RUNX2: variants seen among roughly 807,000 people sequenced by gnomAD.
RUNX2 encodes the protein RUNX family transcription factor 2, also known as runt-related transcription factor 2.
RUNX2 carries 10 observed loss-of-function variants against 51.7 expected under a neutral mutation model. The ratio of observed to expected loss-of-function variants is 0.19; its 90% CI spans 0.12 to 0.33. The LOEUF (loss-of-function observed/expected upper bound fraction) is 0.33. Ranked by LOEUF, RUNX2 falls within the 10% of genes least tolerant of loss-of-function variation. The pLI is 1.00. For synonymous variants in RUNX2, 276 were observed against 273.6 expected (o/e 1.01, Z -0.09); for missense variants, 562 against 691.3 (o/e 0.81, Z 2.10).
intron 2 of RUNX2, among the ~76,000 whole-genome samples, chr6:45,357,568 C>G (rs1747348201): frequency 6.6e-6 from 1 of 152,098 alleles, no homozygotes; most frequent in Non-Finnish European, 1.5e-5. Flanking sequence ...CTCAAGAGCT[C>G]CCCTGACGTC....
At chr6:45,406,052 T>A (rs773939984) in intron 2 of RUNX2, among the ~76,000 whole-genome samples, 7 of 152,210 alleles carry the variant, frequency 4.6e-5, no homozygotes, top group Non-Finnish European at 7.3e-5. Flanking sequence ...ATTCAACAAC[T>A]GTTAGCTTAA....
At chr6:45,531,225 A>G (rs1033190709) in intron 7 of RUNX2, among the ~76,000 whole-genome samples, 1 of 152,192 alleles carries the variant, frequency 6.6e-6, no homozygotes, top group African/African-American at 2.4e-5. Context: ...CCTGTTGGCT[A>G]TCATCCTAAG....
At chr6:45,534,020 G>A (rs1801952268) in intron 7 of RUNX2, among the ~76,000 whole-genome samples, 2 of 149,340 alleles carry the variant, frequency 1.3e-5, no homozygotes, top group African/African-American at 2.5e-5. Flanking sequence ...TCAGCCTCCC[G>A]AGTAGCTGGG....
intron 6 of RUNX2, among the ~76,000 whole-genome samples, chr6:45,507,623 T>C (rs1801012589): frequency 6.6e-6 from 1 of 152,194 alleles, no homozygotes; most frequent in African/African-American, 2.4e-5. Flanking sequence ...CACTAAAAGA[T>C]TGAAAAGGTT....
chr6:45,518,776 T>C (rs78372878), intron 7 of RUNX2, among the ~76,000 whole-genome samples: 38 of 152,328 alleles, frequency 2.5e-4, no homozygotes, highest in African/African-American at 8.2e-4. Flanking sequence ...CATGGTTATA[T>C]ATTTTATTGA....
chr6:45,386,634 G>A (rs1286780754), intron 2 of RUNX2, among the ~76,000 whole-genome samples: 1 of 152,148 alleles, frequency 6.6e-6, no homozygotes, highest in Non-Finnish European at 1.5e-5. Context: ...AATAAATGTT[G>A]GGTTTTTTTG....
At position 45,492,075 on chromosome 6, in the gene RUNX2, C is replaced by G; in HGVS notation, c.820C>G (p.Pro274Ala). ...QNPRPSLNSAPSPFNPQGQSQ... is the reference protein window; with the variant it reads ...QNPRPSLNSAASPFNPQGQSQ... ...CCCACGGCCCTCCCTGAACTCTGCA[C>G]CAAGTCCTTTTAATCCACAAGGACA... Residue 274 changes from proline to alanine, a missense_variant, in exon 6 of 9, where the codon CCA becomes GCA. Pro to Ala is a conservative substitution (Grantham distance 27, BLOSUM62 -1). This residue lies in a region of RUNX2 where 304 missense variants were observed against 353.2 expected (regional missense o/e 0.86). Coordinates refer to ENST00000647337, the MANE Select transcript of RUNX2 (RefSeq NM_001024630.4). 7 of 1,613,810 alleles carry G rather than the reference C, an allele frequency of 4.3e-6. No individual in the cohort carries two copies. The highest frequency in any genetic ancestry group is 5.9e-6 in the Non-Finnish European group (7 of 1,179,882).
intron 5 of RUNX2, among the ~76,000 whole-genome samples, chr6:45,473,716 G>A (rs1281991264): frequency 6.6e-6 from 1 of 152,182 alleles, no homozygotes; most frequent in African/African-American, 2.4e-5. Context: ...AGAATCAGCA[G>A]CCCTCTTTGG....
At chr6:45,450,094 G>A (rs1231410708) in intron 5 of RUNX2, among the ~76,000 whole-genome samples, 1 of 152,178 alleles carries the variant, frequency 6.6e-6, no homozygotes, top group African/African-American at 2.4e-5. Flanking sequence ...GCTACAGAAT[G>A]GCATGACCAC....
chr6:45,353,364 G>A (rs1463952939), intron 2 of RUNX2, among the ~76,000 whole-genome samples: 6 of 151,990 alleles, frequency 3.9e-5, no homozygotes, highest in African/African-American at 7.2e-5. Flanking sequence ...AAGTTATGCG[G>A]ATGGACTTGA....
chr6:45,389,760 G>T (rs1371473124), intron 2 of RUNX2, among the ~76,000 whole-genome samples: 2 of 152,080 alleles, frequency 1.3e-5, no homozygotes, highest in Non-Finnish European at 2.9e-5. Flanking sequence ...CCTGTAATCT[G>T]GTACTTTGGG....
intron 2 of RUNX2, among the ~76,000 whole-genome samples, chr6:45,356,902 G>A (rs997888461): frequency 6.6e-6 from 1 of 152,148 alleles, no homozygotes; most frequent in Admixed American, 6.5e-5. Context: ...TTAATTTACA[G>A]AATTTACTGT....
At chr6:45,423,806 GC>G (rs1798306451) in intron 3 of RUNX2, among the ~76,000 whole-genome samples, 1 of 152,190 alleles carries the variant, frequency 6.6e-6, no homozygotes, top group African/African-American at 2.4e-5. Context: ...CGTTCAGGGG[GC>G]CTGGGCGCTG....
intron 2 of RUNX2, among the ~76,000 whole-genome samples, chr6:45,331,561 A>G (rs1787518514): frequency 6.6e-6 from 1 of 152,004 alleles, no homozygotes. Flanking sequence ...ATCAAAAGCT[A>G]AAAATGTCAA....
At chr6:45,343,057 T>G (rs1356623992) in intron 2 of RUNX2, among the ~76,000 whole-genome samples, 1 of 152,172 alleles carries the variant, frequency 6.6e-6, no homozygotes, top group Non-Finnish European at 1.5e-5. Context: ...AAGTTTCCAG[T>G]TAAATAAAAT....
At chr6:45,367,889 A>C in intron 2 of RUNX2, among the ~76,000 whole-genome samples, 1 of 152,168 alleles carries the variant, frequency 6.6e-6, no homozygotes, top group East Asian at 1.9e-4. Context: ...TGACATGATG[A>C]GCTGATAGGT....
At chr6:45,391,265 G>T (rs899460103) in intron 2 of RUNX2, among the ~76,000 whole-genome samples, 1 of 152,092 alleles carries the variant, frequency 6.6e-6, no homozygotes, top group Non-Finnish European at 1.5e-5. Context: ...CCATCCCCTT[G>T]GTAAAAGTGA....
chr6:45,420,712 C>T (rs1798162231), intron 2 of RUNX2, among the ~76,000 whole-genome samples: 1 of 152,156 alleles, frequency 6.6e-6, no homozygotes, highest in Non-Finnish European at 1.5e-5. Flanking sequence ...GTACACAACG[C>T]CGAGGGTAAA....
intron 2 of RUNX2, among the ~76,000 whole-genome samples, chr6:45,335,099 A>G (rs1788287668): frequency 6.6e-6 from 1 of 151,150 alleles, no homozygotes; most frequent in African/African-American, 2.4e-5. Flanking sequence ...AAACAGGTAT[A>G]TTTTCTCATT....
Sources: allele counts gnomAD v4.1 joint callset (sites outside exome capture counted in the v4.1 genomes callset), GRCh38; gene constraint gnomAD v4.1.1; regional missense constraint gnomAD v4.1.1; transcripts MANE v1.5; gene names NCBI Gene and HGNC (gene_info 2026-07-23, HGNC 2026-07-21).